CNNM2: variants seen among roughly 807,000 people sequenced by gnomAD.
CNNM2 encodes cyclin and CBS domain divalent metal cation transport mediator 2, also known as metal transporter CNNM2.
A neutral mutation model predicts 66.9 loss-of-function variants in CNNM2; 12 were observed. The observed-to-expected ratio is 0.18, with a 90% CI of 0.11 to 0.29. The LOEUF (loss-of-function observed/expected upper bound fraction) is 0.29, where lower values mean the gene tolerates loss of function less well. Among genes scored for constraint, CNNM2 ranks in the 10% least tolerant of loss-of-function variants. CNNM2 has a pLI of 1.00. For missense variants in CNNM2, 705 were observed against 1,167.7 expected, an observed-to-expected ratio of 0.60 and a Z score of 5.77; for synonymous variants, 557 against 501.8, an observed-to-expected ratio of 1.11 and a Z score of -1.47.
intron 1 of CNNM2, among the ~76,000 whole-genome samples, chr10:103,047,893 C>G (rs2065152668): frequency 6.6e-6 from 1 of 152,148 alleles, no homozygotes; most frequent in African/African-American, 2.4e-5. Context: ...CTCGTGGCTA[C>G]AAGTCTCCCA....
intron 4 of CNNM2, among the ~76,000 whole-genome samples, chr10:103,061,651 T>C (rs926374452): frequency 2.0e-5 from 3 of 152,366 alleles, no homozygotes; most frequent in African/African-American, 7.2e-5. Flanking sequence ...TTGCATTCTT[T>C]AAGGCTAATA....
intron 4 of CNNM2, among the ~76,000 whole-genome samples, chr10:103,067,931 C>T (rs2065508575): frequency 6.6e-6 from 1 of 152,176 alleles, no homozygotes. Context: ...TACCAGCCTG[C>T]GAGGGGTCTG....
At chr10:102,978,203 C>T (rs1161124657) in intron 1 of CNNM2, among the ~76,000 whole-genome samples, 1 of 151,392 alleles carries the variant, frequency 6.6e-6, no homozygotes, top group Non-Finnish European at 1.5e-5. Context: ...GCCACCATGC[C>T]TGGACTTTTT....
intron 1 of CNNM2, among the ~76,000 whole-genome samples, chr10:103,005,275 T>G (rs2064203441): frequency 6.6e-6 from 1 of 152,204 alleles, no homozygotes; most frequent in Non-Finnish European, 1.5e-5. Flanking sequence ...AGTTCATTCT[T>G]AAGTATATGA....
At chr10:102,923,213 C>G (rs993381544) in intron 1 of CNNM2, among the ~76,000 whole-genome samples, 2 of 151,934 alleles carry the variant, frequency 1.3e-5, no homozygotes, top group African/African-American at 2.4e-5. Flanking sequence ...CTCTGGCTAC[C>G]AGGAAACTCT....
chr10:103,068,836 A>G, intron 5 of CNNM2, 114 bp downstream of exon 5: 1 of 795,832 alleles, frequency 1.3e-6, no homozygotes, highest in South Asian at 1.9e-5. Context: ...TCCTTTTTGA[A>G]CTTTTTTTTT....
In CNNM2 at chr10:103,086,865, CACTG is replaced by C. The variant is rs1036248221; in HGVS notation, c.*9689_*9692del. ...TTCTGAAGTACACCATCAGAGTTTT[CACTG>C]ACTATCTATCTTTGCAGAGATGAAT... On this transcript the variant is annotated 3_prime_UTR_variant, in exon 8 of 8. Coordinates refer to ENST00000369878, the MANE Select transcript of CNNM2 (RefSeq NM_017649.5). The C allele has an allele frequency of 3.9e-5, 6 of 152,170 alleles. No individual in the cohort carries two copies. Among genetic ancestry groups the C allele is most frequent in the African/African-American group, 9.7e-5 (4 of 41,442 alleles). 9.4% of individuals were successfully genotyped at this position (152,170 alleles called of 1,614,324 possible). A position where few individuals can be genotyped will look rare whatever the true frequency, so the allele number is the denominator to read the frequency against.
rs879342346 is a variant in CNNM2, at chr10:103,011,693, AT to A, written c.1622-38002del. On this transcript the variant is annotated intron_variant, in intron 1 of 7. Coordinates refer to ENST00000369878, the MANE Select transcript of CNNM2 (RefSeq NM_017649.5). The stretch of plus-strand genomic sequence containing the variant: ...GTGTGTGTGTGTGTGTGTATGTATA[AT>A]TTTTTTTTTTTGAGATGGAGTTTCA... 6.4e-4 allele frequency among the ~76,000 whole-genome samples: 65 copies of A among 101,994 alleles called. 1 individual carries two copies. The highest frequency in any genetic ancestry group is 9.4e-4 in the Admixed American group (9 of 9,606). 66.9% of individuals were successfully genotyped at this position (101,994 alleles called of 152,430 possible).
rs2065361548 is a variant in CNNM2, at chr10:103,060,256, T to A, written c.2073+3292T>A. Among the ~76,000 whole-genome samples the A allele has an allele frequency of 1.3e-5, 2 of 151,994 alleles. 1 individual carries two copies. The highest frequency in any genetic ancestry group is 1.3e-4 in the Admixed American group (2 of 15,256). ...CTGAATCGATGATAATGAAATAAAATTCGAAATAAAAAATACATAAAAGTG... is the reference window on the plus strand; with the variant it reads ...CTGAATCGATGATAATGAAATAAAAATCGAAATAAAAAATACATAAAAGTG... On this transcript the variant is annotated intron_variant, in intron 4 of 7. Coordinates refer to ENST00000369878, the MANE Select transcript of CNNM2 (RefSeq NM_017649.5).
rs959683536 is a variant in CNNM2, at chr10:103,054,921, C to T, written c.1903+455C>T. On this transcript the variant is annotated intron_variant, in intron 3 of 7. Coordinates refer to ENST00000369878, the MANE Select transcript of CNNM2 (RefSeq NM_017649.5). The surrounding 1 kb of genome is among the most constrained non-coding windows in gnomAD (Gnocchi z 5.2). The stretch of plus-strand genomic sequence containing the variant: ...GCACAGTTGGACATCAGTGGTAACA[C>T]AGGGGCTGTGATTTGCAAAGAAGAA... Among the ~76,000 whole-genome samples, 3 of 152,212 alleles carry T rather than the reference C, an allele frequency of 2.0e-5. No individual in the cohort carries two copies. The highest frequency in any genetic ancestry group is 4.4e-5 in the Non-Finnish European group (3 of 68,036).
chr10:102,932,350 C>CT lies in CNNM2; in HGVS notation c.1621+12250dup, dbSNP rs569486259. On this transcript the variant is annotated intron_variant, in intron 1 of 7. Transcript: ENST00000369878. ...CAGGTGTGAGCCACTGCAACCAGCT[C>CT]TATTTTTTTTCTTTTGTTGCTTATG... Among the ~76,000 whole-genome samples the CT allele has an allele frequency of 3.0e-4, 45 of 152,138 alleles. 1 individual carries two copies. In the East Asian group the frequency reaches 8.1e-3, roughly 27 times the overall value.
chr10:103,055,274 C>A (rs1564863756), intron 3 of CNNM2, among the ~76,000 whole-genome samples: 1 of 152,180 alleles, frequency 6.6e-6, no homozygotes, highest in Non-Finnish European at 1.5e-5. Flanking sequence ...TGATAGGCAG[C>A]CAGTGCCTTT....
At chr10:103,056,640 C>T (rs925274032) in intron 3 of CNNM2, 155 bp from the exon 4 acceptor site, 1 of 679,088 alleles carries the variant, frequency 1.5e-6, no homozygotes, top group Non-Finnish European at 2.5e-6. Flanking sequence ...CCCAGGTAAT[C>T]TGTCCCCAGT....
intron 1 of CNNM2, chr10:102,927,208 A>G: frequency 1.8e-6 from 2 of 1,108,882 alleles, no homozygotes; most frequent in East Asian, 2.6e-5. Flanking sequence ...TATGTTATTG[A>G]CAGTAAACTT....
At chr10:103,062,509 GTA>G (rs1221753091) in intron 4 of CNNM2, among the ~76,000 whole-genome samples, 1 of 152,168 alleles carries the variant, frequency 6.6e-6, no homozygotes, top group African/African-American at 2.4e-5. Flanking sequence ...TACTACTTAA[GTA>G]TATGTCAGTA....
chr10:102,949,975 A>G (rs914169380), intron 1 of CNNM2, among the ~76,000 whole-genome samples: 2 of 152,180 alleles, frequency 1.3e-5, no homozygotes, highest in South Asian at 2.1e-4. Context: ...CTAGCACTCT[A>G]TTAGTTATAA....
intron 1 of CNNM2, among the ~76,000 whole-genome samples, chr10:102,940,143 G>T (rs966720767): frequency 8.6e-5 from 13 of 151,904 alleles, no homozygotes; most frequent in African/African-American, 1.2e-4. Context: ...TAGTAGATGT[G>T]GGGTTTTACC....
At position 103,033,116 on chromosome 10, in the gene CNNM2, C is replaced by CA. The variant is rs528890140; in HGVS notation, c.1622-16578dup. On this transcript the variant is annotated intron_variant, in intron 1 of 7. Coordinates refer to ENST00000369878, the MANE Select transcript of CNNM2 (RefSeq NM_017649.5). The stretch of plus-strand genomic sequence containing the variant: ...CTGAGTGACAGAGTAAGACCCTGTC[C>CA]AAAAAAAAAAAAAGAAAAGAAAAAC... Among the ~76,000 whole-genome samples, 506 of 88,980 alleles carry CA rather than the reference C, an allele frequency of 5.7e-3. 2 individuals are homozygous for CA. Among genetic ancestry groups the CA allele is most frequent in the South Asian group, 0.027 (79 of 2,964 alleles). The allele number at this position is 88,980 out of a possible 152,430, so 58.4% of individuals were successfully genotyped here.
At chr10:103,003,606 T>C (rs2064166658) in intron 1 of CNNM2, among the ~76,000 whole-genome samples, 1 of 152,016 alleles carries the variant, frequency 6.6e-6, no homozygotes, top group Admixed American at 6.6e-5. Flanking sequence ...AGCAGATCAC[T>C]TGAGGTCAGA....
Sources: allele counts gnomAD v4.1 joint callset (sites outside exome capture counted in the v4.1 genomes callset), GRCh38; gene constraint gnomAD v4.1.1; non-coding constraint Gnocchi (gnomAD v3.1); transcripts MANE v1.5; gene names NCBI Gene and HGNC (gene_info 2026-07-23, HGNC 2026-07-21).